The following GARNL3 variants were observed in gnomAD, a reference collection of about 807,000 sequenced individuals.
GARNL3 encodes GTPase-activating Rap/Ran-GAP domain-like protein 3.
GARNL3 carries 63 observed loss-of-function variants against 125.0 expected under a neutral mutation model. The ratio of observed to expected loss-of-function variants is 0.50; its 90% CI spans 0.41 to 0.62. The LOEUF (loss-of-function observed/expected upper bound fraction) is 0.62. GARNL3 is among the 20% of genes least tolerant of loss of function. The pLI, the probability that GARNL3 is intolerant of heterozygous loss-of-function variation, is 0.00. For missense variants in GARNL3, 994 were observed against 1,244.0 expected, an observed-to-expected ratio of 0.80 and a Z score of 3.02; for synonymous variants, 439 against 457.5, an observed-to-expected ratio of 0.96 and a Z score of 0.52.
chr9:127,366,119 A>T (rs1435625924), intron 22 of GARNL3, among the ~76,000 whole-genome samples: 1 of 152,210 alleles, frequency 6.6e-6, no homozygotes, highest in Non-Finnish European at 1.5e-5. Context: ...AAGACATAAA[A>T]CATGTTTTTC....
At chr9:127,224,962 A>G (rs1312387343) in intron 1 of GARNL3, among the ~76,000 whole-genome samples, 2 of 35,904 alleles carry the variant, frequency 5.6e-5, no homozygotes, top group Non-Finnish European at 1.0e-4. Context: ...CTCCGGGCTG[A>G]GGGCGCGGGG....
intron 10 of GARNL3, 79 bp from the exon 11 acceptor site, chr9:127,336,049 T>C (rs772019217): frequency 4.8e-6 from 5 of 1,031,452 alleles, no homozygotes; most frequent in Non-Finnish European, 7.4e-6. Context: ...GTTTGTTATA[T>C]TGGGTTATGT....
chr9:127,340,062 T>A (rs996498607), intron 13 of GARNL3, among the ~76,000 whole-genome samples: 1 of 149,016 alleles, frequency 6.7e-6, no homozygotes, highest in Non-Finnish European at 1.5e-5. Context: ...TGCTTGTATA[T>A]GTATCTGTAT....
intron 1 of GARNL3, among the ~76,000 whole-genome samples, chr9:127,237,605 G>T (rs575243613): frequency 6.6e-6 from 1 of 152,328 alleles, no homozygotes; most frequent in East Asian, 1.9e-4. Flanking sequence ...GAGACATATT[G>T]ATGGAAAGTT....
chr9:127,263,773 C>G, upstream of GARNL3: 1 of 1,228,756 alleles, frequency 8.1e-7, no homozygotes, highest in Non-Finnish European at 1.0e-6. Flanking sequence ...GGTTAAATTT[C>G]TCATATAAGA....
At chr9:127,225,323 G>T (rs550205294) in intron 1 of GARNL3, 1 of 984,068 alleles carries the variant, frequency 1.0e-6, no homozygotes, top group South Asian at 4.7e-5. Context: ...TGGAACCGGA[G>T]CCCGGCGGGG....
Position 127,393,133 on chromosome 9 carries a change from A to AG in GARNL3, c.2925dup (p.His976AlafsTer6). On this transcript the variant is annotated frameshift_variant, in exon 28 of 28. Coordinates refer to ENST00000373387, the MANE Select transcript of GARNL3 (RefSeq NM_032293.5). LOFTEE classifies it low-confidence loss of function (END_TRUNC). The stretch of plus-strand genomic sequence containing the variant: ...GCTTCTACTTCCGAAGCCAACCCTG[A>AG]GGGGCACTCAGCCAGCTCTGACCAG... 2.5e-6 allele frequency: 4 copies of AG among 1,611,302 alleles called. No individual in the cohort carries two copies. Among genetic ancestry groups the AG allele is most frequent in the Non-Finnish European group, 3.4e-6 (4 of 1,177,632 alleles).
At chr9:127,273,562 C>G (rs1277594101) in intron 1 of GARNL3, among the ~76,000 whole-genome samples, 4 of 152,212 alleles carry the variant, frequency 2.6e-5, no homozygotes, top group South Asian at 4.1e-4. Flanking sequence ...GCTACAAACA[C>G]TTGGCCTGCC....
At chr9:127,281,175 C>T (rs1050321836) in intron 1 of GARNL3, among the ~76,000 whole-genome samples, 1 of 151,970 alleles carries the variant, frequency 6.6e-6, no homozygotes, top group African/African-American at 2.4e-5. Flanking sequence ...AAAAAGAGCC[C>T]GAGTGGGTTA....
chr9:127,333,313 A>G (rs1007946253), intron 9 of GARNL3, among the ~76,000 whole-genome samples, 192 bp downstream of exon 9: 95 of 152,306 alleles, frequency 6.2e-4, no homozygotes, highest in African/African-American at 2.3e-3. Context: ...TCGTAAAACT[A>G]AATCAGCCCT....
intron 2 of GARNL3, among the ~76,000 whole-genome samples, chr9:127,255,247 C>G (rs1221392994): frequency 6.6e-6 from 1 of 152,136 alleles, no homozygotes; most frequent in Non-Finnish European, 1.5e-5. Context: ...ACCAAAATGT[C>G]CATCAATAGG....
At position 127,389,921 on chromosome 9, in the gene GARNL3, T is replaced by TAA. The variant is rs1169168184; in HGVS notation, c.2744-695_2744-694dup. ...GGGTGACAGAGTGACACCCTGTCTT[T>TAA]AAAAAAAAAAAAAAAAAAAAAAAAA... On this transcript the variant is annotated intron_variant, in intron 26 of 27. Coordinates refer to ENST00000373387, the MANE Select transcript of GARNL3 (RefSeq NM_032293.5). Among the ~76,000 whole-genome samples, 686 of 78,674 alleles carry TAA rather than the reference T, an allele frequency of 8.7e-3. 23 individuals are homozygous for TAA. Among genetic ancestry groups the TAA allele is most frequent in the East Asian group, 0.04 (93 of 2,350 alleles). 51.6% of individuals were successfully genotyped at this position (78,674 alleles called of 152,430 possible).
At chr9:127,374,902 A>G (rs80335171) in intron 22 of GARNL3, among the ~76,000 whole-genome samples, 2,134 of 145,742 alleles carry the variant, frequency 0.015, 46 homozygotes, top group East Asian at 0.052. Flanking sequence ...ATGAGACTCC[A>G]TCTCTACAAA....
intron 22 of GARNL3, among the ~76,000 whole-genome samples, chr9:127,380,292 T>G (rs546262775): frequency 1.4e-4 from 22 of 152,166 alleles, no homozygotes; most frequent in African/African-American, 5.1e-4. Flanking sequence ...AATTTTCTTC[T>G]TTATGTTTTT....
At chr9:127,299,990 C>A in intron 2 of GARNL3, 1 of 210,648 alleles carries the variant, frequency 4.7e-6, no homozygotes, top group Non-Finnish European at 9.8e-6. Context: ...AGGCATGAGC[C>A]ACCATGTCCG....
chr9:127,298,131 G>A (rs191930810), intron 2 of GARNL3, among the ~76,000 whole-genome samples: 82 of 152,296 alleles, frequency 5.4e-4, no homozygotes, highest in Admixed American at 1.4e-3. Context: ...TCTGGGGTCT[G>A]CCCCAACTTG....
chr9:127,289,236 T>G (rs952797689), intron 1 of GARNL3, among the ~76,000 whole-genome samples: 2 of 152,208 alleles, frequency 1.3e-5, no homozygotes, highest in African/African-American at 4.8e-5. Flanking sequence ...CAGATTACCC[T>G]CACTTCTGAC....
intron 26 of GARNL3, among the ~76,000 whole-genome samples, chr9:127,389,821 T>A (rs1282431133): frequency 2.0e-5 from 3 of 150,090 alleles, no homozygotes; most frequent in Non-Finnish European, 4.4e-5. Context: ...CTCAAGAAGC[T>A]GAGGCAAGAG....
At chr9:127,270,911 T>C (rs778140172) in intron 1 of GARNL3, among the ~76,000 whole-genome samples, 2 of 140,816 alleles carry the variant, frequency 1.4e-5, no homozygotes, top group Non-Finnish European at 2.9e-5. Flanking sequence ...TCTTGGATCC[T>C]AATTTCAAAT....
Sources: gnomAD v4.1 joint callset for allele counts (sites outside exome capture counted in the v4.1 genomes callset) on GRCh38, gnomAD v4.1.1 for gene constraint, MANE v1.5 for transcripts, NCBI Gene and HGNC (gene_info 2026-07-23, HGNC 2026-07-21) for gene names.